Variants in CTDSPL2 observed in about 807,000 individuals in gnomAD.
The protein encoded by CTDSPL2 is CTD small phosphatase like 2.
Under a neutral mutation model 60.0 loss-of-function variants are expected in CTDSPL2, and 5 were observed. The observed-to-expected ratio is 0.08, with a 90% CI of 0.04 to 0.18. CTDSPL2 has a LOEUF of 0.18. CTDSPL2 is among the 10% of genes least tolerant of loss of function. CTDSPL2 has a pLI of 1.00. For synonymous variants in CTDSPL2, 186 were observed against 189.3 expected, an observed-to-expected ratio of 0.98 and a Z score of 0.14; for missense variants, 370 against 548.8, an observed-to-expected ratio of 0.67 and a Z score of 3.26.
chr15:44,518,288 T>C (rs976267193), intron 10 of CTDSPL2, among the ~76,000 whole-genome samples: 2 of 152,200 alleles, frequency 1.3e-5, no homozygotes, highest in African/African-American at 2.4e-5. Context: ...AAAAATTATA[T>C]GAAACAATTA....
chr15:44,471,832 A>G (rs1268657646), intron 2 of CTDSPL2, among the ~76,000 whole-genome samples: 1 of 151,996 alleles, frequency 6.6e-6, no homozygotes, highest in Non-Finnish European at 1.5e-5. Flanking sequence ...GGATTTTGCT[A>G]TATTTTGGAC....
intron 1 of CTDSPL2, among the ~76,000 whole-genome samples, chr15:44,454,844 T>C (rs1209393367): frequency 6.6e-6 from 1 of 152,230 alleles, no homozygotes; most frequent in Non-Finnish European, 1.5e-5. Context: ...GTAGTATAGT[T>C]TGAAGTCAGG....
chr15:44,456,072 G>T (rs182083439), intron 1 of CTDSPL2, among the ~76,000 whole-genome samples: 1 of 151,210 alleles, frequency 6.6e-6, no homozygotes, highest in East Asian at 1.9e-4. Flanking sequence ...GGATGGTCTC[G>T]ATCTCCTGAC....
chr15:44,464,344 CTTAGT>C (rs1013465503), intron 2 of CTDSPL2, among the ~76,000 whole-genome samples: 3 of 152,046 alleles, frequency 2.0e-5, no homozygotes, highest in African/African-American at 7.3e-5. Flanking sequence ...CGCAAAGTTA[CTTAGT>C]TTTAAGTGGC....
chr15:44,442,446 CAAAA>C (rs553756112), intron 1 of CTDSPL2, among the ~76,000 whole-genome samples: 3 of 60,688 alleles, frequency 4.9e-5, no homozygotes, highest in Non-Finnish European at 7.1e-5. Flanking sequence ...GACTCTGTCT[CAAAA>C]AAAAAAAAAA....
chr15:44,519,441 T>C, intron 11 of CTDSPL2, 146 bp downstream of exon 11: 1 of 756,734 alleles, frequency 1.3e-6, no homozygotes, highest in Non-Finnish European at 2.0e-6. Context: ...GAATTAGAAA[T>C]GACAAAGTGG....
At chr15:44,448,441 G>A (rs2080265204) in intron 1 of CTDSPL2, 1 of 241,300 alleles carries the variant, frequency 4.1e-6, no homozygotes, top group South Asian at 5.6e-5. Flanking sequence ...TTCCATGCTG[G>A]CACCCCCAGT....
At chr15:44,508,063 T>A (rs2081501421) in intron 8 of CTDSPL2, among the ~76,000 whole-genome samples, 1 of 152,060 alleles carries the variant, frequency 6.6e-6, no homozygotes, top group South Asian at 2.1e-4. Flanking sequence ...TTTCAGTTAA[T>A]TGTAGCATCT....
intron 8 of CTDSPL2, among the ~76,000 whole-genome samples, chr15:44,508,443 T>C (rs914205998): frequency 6.6e-6 from 1 of 152,192 alleles, no homozygotes; most frequent in African/African-American, 2.4e-5. Flanking sequence ...TCTACTGTTT[T>C]AATTCTTCTT....
At chr15:44,471,928 C>G (rs2080819028) in intron 2 of CTDSPL2, among the ~76,000 whole-genome samples, 1 of 150,828 alleles carries the variant, frequency 6.6e-6, no homozygotes, top group South Asian at 2.1e-4. Flanking sequence ...TGCATTTGTT[C>G]TCAGGATCTC....
At chr15:44,471,626 C>T (rs1332788901) in intron 2 of CTDSPL2, among the ~76,000 whole-genome samples, 1 of 152,096 alleles carries the variant, frequency 6.6e-6, no homozygotes, top group African/African-American at 2.4e-5. Context: ...ATAGGCACAG[C>T]ACTATGTTGT....
At chr15:44,468,683 G>A (rs1415145901) in intron 2 of CTDSPL2, among the ~76,000 whole-genome samples, 1 of 152,168 alleles carries the variant, frequency 6.6e-6, no homozygotes, top group East Asian at 1.9e-4. Flanking sequence ...ACTGTAGACG[G>A]CTACATAAAT....
At position 44,512,546 on chromosome 15, in the gene CTDSPL2, T is replaced by C. The variant is rs547927526; in HGVS notation, c.970-2052T>C. Among the ~76,000 whole-genome samples the C allele has an allele frequency of 2.9e-4, 44 of 152,316 alleles. 1 individual carries two copies. The highest frequency in any genetic ancestry group is 1.5e-4 in the Non-Finnish European group (10 of 68,016). Reference sequence around the variant, plus strand: ...AAAGACTCAGTTGATTAAAATGATTTTGTTAGTAAAATAATATACATAAAA... The same window carrying C: ...AAAGACTCAGTTGATTAAAATGATTCTGTTAGTAAAATAATATACATAAAA... On this transcript the variant is annotated intron_variant, in intron 8 of 12. Coordinates refer to ENST00000260327, the MANE Select transcript of CTDSPL2 (RefSeq NM_016396.3).
In CTDSPL2 at chr15:44,524,203, G is replaced by A. The variant is rs958053659; in HGVS notation, c.*29G>A. On this transcript the variant is annotated 3_prime_UTR_variant, in exon 13 of 13. Transcript: ENST00000260327. ...CAAAGACTTGTCAAATCACTGAAGG[G>A]GGAGAGAATGCAGGACCCTTTTGGA... The A allele has an allele frequency of 3.2e-6, 5 of 1,579,108 alleles. No homozygotes were observed. Among genetic ancestry groups the A allele is most frequent in the Middle Eastern group, 1.7e-4 (1 of 5,818 alleles).
intron 8 of CTDSPL2, among the ~76,000 whole-genome samples, chr15:44,502,316 C>T (rs767332937): frequency 2.0e-5 from 3 of 151,772 alleles, no homozygotes; most frequent in African/African-American, 7.3e-5. Flanking sequence ...GATGGAGTGT[C>T]CTCTTGGGAC....
At chr15:44,520,937 C>T (rs1223149345) in intron 11 of CTDSPL2, 1 of 153,536 alleles carries the variant, frequency 6.5e-6, no homozygotes, top group Non-Finnish European at 1.4e-5. Context: ...TCTATATTCT[C>T]TTTAGATTGG....
chr15:44,459,757 C>G (rs1403932882), intron 2 of CTDSPL2, among the ~76,000 whole-genome samples: 2 of 152,092 alleles, frequency 1.3e-5, no homozygotes, highest in Admixed American at 6.6e-5. Flanking sequence ...TGTTCTTTTA[C>G]TTGAGTTGTT....
At chr15:44,493,149 A>C (rs1338939190) in intron 5 of CTDSPL2, among the ~76,000 whole-genome samples, 1 of 152,136 alleles carries the variant, frequency 6.6e-6, no homozygotes, top group African/African-American at 2.4e-5. Context: ...CTAATTGAAG[A>C]GCCAAATATA....
At chr15:44,523,532 G>C (rs1462082336) in intron 12 of CTDSPL2, among the ~76,000 whole-genome samples, 2 of 152,208 alleles carry the variant, frequency 1.3e-5, no homozygotes, top group Non-Finnish European at 2.9e-5. Flanking sequence ...CTTGAGCCCA[G>C]AAGTTTGAGG....
Sources: gnomAD v4.1 joint callset for allele counts (sites outside exome capture counted in the v4.1 genomes callset) on GRCh38, gnomAD v4.1.1 for gene constraint, MANE v1.5 for transcripts, NCBI Gene and HGNC (gene_info 2026-07-23, HGNC 2026-07-21) for gene names.